STAM2: variants seen among roughly 807,000 people sequenced by gnomAD.
STAM2 encodes signal transducing adapter molecule 2.
A neutral mutation model predicts 65.6 loss-of-function variants in STAM2; 51 were observed. That is an observed-to-expected ratio of 0.78 (90% CI 0.62 to 0.98). The LOEUF is 0.98. Ranked by LOEUF, STAM2 falls within the 50% of genes least tolerant of loss-of-function variation. The pLI is 0.00. For synonymous variants in STAM2, 198 were observed against 208.4 expected (o/e 0.95, Z 0.43); for missense variants, 584 against 617.8 (o/e 0.95, Z 0.58).
chr2:152,147,980 A>G (rs776760018), intron 4 of STAM2, 44 bp downstream of exon 4: 3 of 1,414,332 alleles, frequency 2.1e-6, no homozygotes, highest in African/African-American at 2.9e-5. Context: ...CACACAATCT[A>G]CATTTTTTTA....
chr2:152,160,926 G>A (rs1256359677), intron 1 of STAM2, among the ~76,000 whole-genome samples: 13 of 151,218 alleles, frequency 8.6e-5, no homozygotes, highest in South Asian at 2.1e-4. Context: ...GGTGAGGGGC[G>A]CCTCTGCCCA....
At chr2:152,153,218 C>T (rs533710836) in intron 1 of STAM2, among the ~76,000 whole-genome samples, 1 of 152,188 alleles carries the variant, frequency 6.6e-6, no homozygotes, top group South Asian at 2.1e-4. Flanking sequence ...ACTTTAGAAA[C>T]ACTGTATCAC....
intron 13 of STAM2, among the ~76,000 whole-genome samples, chr2:152,122,135 C>T (rs567736271): frequency 3.3e-5 from 5 of 150,502 alleles, no homozygotes; most frequent in East Asian, 2.0e-4. Context: ...CTATGCCCAG[C>T]GGTTTTAGGG....
chr2:152,175,545 G>T, intron 1 of STAM2, 58 bp downstream of exon 1: 2 of 1,609,160 alleles, frequency 1.2e-6, no homozygotes, highest in South Asian at 2.2e-5. Context: ...TTTCTAGCCG[G>T]ACAAACAGCA....
chr2:152,127,346 T>A (rs561884119), intron 11 of STAM2, among the ~76,000 whole-genome samples: 2 of 152,320 alleles, frequency 1.3e-5, no homozygotes, highest in South Asian at 4.1e-4. Context: ...ATGCAATCAA[T>A]TCATAATTTC....
intron 1 of STAM2, among the ~76,000 whole-genome samples, chr2:152,164,913 C>T (rs765018093): frequency 2.6e-5 from 4 of 152,126 alleles, no homozygotes; most frequent in Non-Finnish European, 5.9e-5. Flanking sequence ...CCTTTATTTT[C>T]CTACAAGTTC....
chr2:152,128,271 G>A, intron 11 of STAM2, among the ~76,000 whole-genome samples: 1 of 152,086 alleles, frequency 6.6e-6, no homozygotes, highest in East Asian at 1.9e-4. Context: ...GCCAGGTGTG[G>A]TGGCGGGCAC....
chr2:152,152,548 C>CA (rs532945904), intron 1 of STAM2, among the ~76,000 whole-genome samples: 139 of 130,020 alleles, frequency 1.1e-3, no homozygotes, highest in African/African-American at 2.6e-3. Context: ...GACTCTGTCT[C>CA]AAAAAAAAAC....
intron 10 of STAM2, among the ~76,000 whole-genome samples, chr2:152,132,866 T>C (rs1040839683): frequency 2.0e-5 from 3 of 152,164 alleles, no homozygotes; most frequent in African/African-American, 7.2e-5. Context: ...GCAATAAGCA[T>C]TTTAAACATT....
At chr2:152,122,425 A>G (rs1241259824) in intron 13 of STAM2, among the ~76,000 whole-genome samples, 1 of 152,132 alleles carries the variant, frequency 6.6e-6, no homozygotes, top group African/African-American at 2.4e-5. Flanking sequence ...ATCTATAAAA[A>G]AAGTTTCAAT....
At chr2:152,126,425 T>C (rs1306291665) in intron 11 of STAM2, 46 bp from the exon 12 acceptor site, 4 of 1,174,680 alleles carry the variant, frequency 3.4e-6, no homozygotes, top group Non-Finnish European at 4.5e-6. Flanking sequence ...GTTTTTAGCA[T>C]GTATTTAGTA....
At chr2:152,133,799 C>T (rs957336748) in intron 8 of STAM2, among the ~76,000 whole-genome samples, 4 of 152,156 alleles carry the variant, frequency 2.6e-5, no homozygotes, top group African/African-American at 9.7e-5. Flanking sequence ...ATATAAACAG[C>T]AGCTGACATT....
chr2:152,123,986 T>A, intron 12 of STAM2, 51 bp from the exon 13 acceptor site: 1 of 1,430,772 alleles, frequency 7.0e-7, no homozygotes, highest in South Asian at 1.2e-5. Flanking sequence ...AACATGTGCC[T>A]AATAATATAT....
rs1268062784 is a variant in STAM2, at chr2:152,167,660, C to T, written c.40+7943G>A. On this transcript the variant is annotated intron_variant, in intron 1 of 13. Transcript: ENST00000263904. The stretch of plus-strand genomic sequence containing the variant: ...CTATAATCCCAGCACTTTGGGAGGC[C>T]GAGGCAGGTGAATCACTTGAGGTCA... Among the ~76,000 whole-genome samples, 3 of 151,686 alleles carry T rather than the reference C, an allele frequency of 2.0e-5. No homozygotes were observed. The South Asian group carries it at 6.3e-4, about 32-fold the overall frequency.
chr2:152,123,533 T>C (rs76819211), intron 13 of STAM2, among the ~76,000 whole-genome samples: 263 of 152,322 alleles, frequency 1.7e-3, no homozygotes, highest in African/African-American at 5.8e-3. Flanking sequence ...AAGCACATCA[T>C]GGGCTTAGTC....
chr2:152,123,461 T>C lies in STAM2; in HGVS notation c.1349+305A>G, dbSNP rs183594913. ...AAAGTAACAACAGTTTTCTAATTTT[T>C]AGGAGTGCATGCAGATAAATAAGTC... On this transcript the variant is annotated intron_variant, in intron 13 of 13. Coordinates refer to ENST00000263904, the MANE Select transcript of STAM2 (RefSeq NM_005843.6). 2.1e-3 allele frequency among the ~76,000 whole-genome samples: 323 copies of C among 152,292 alleles called. 1 individual carries two copies. Among genetic ancestry groups the C allele is most frequent in the Admixed American group, 4.0e-3 (61 of 15,296 alleles).
intron 8 of STAM2, 139 bp downstream of exon 8, chr2:152,135,370 T>A: frequency 1.6e-6 from 1 of 630,218 alleles, no homozygotes; most frequent in South Asian, 1.9e-5. Context: ...GGTTAAAAAG[T>A]AGGTTAGATT....
At chr2:152,164,977 G>C (rs1467195069) in intron 1 of STAM2, among the ~76,000 whole-genome samples, 1 of 152,046 alleles carries the variant, frequency 6.6e-6, no homozygotes, top group Non-Finnish European at 1.5e-5. Context: ...TGTTAGGTGA[G>C]AACCACGTCC....
At chr2:152,150,269 C>T (rs760737641) in intron 1 of STAM2, 40 bp from the exon 2 acceptor site, 7 of 1,277,580 alleles carry the variant, frequency 5.5e-6, no homozygotes, top group South Asian at 1.2e-5. Flanking sequence ...GAGGACACAT[C>T]TCATATAACA....
Sources: allele counts gnomAD v4.1 joint callset (sites outside exome capture counted in the v4.1 genomes callset), GRCh38; gene constraint gnomAD v4.1.1; transcripts MANE v1.5; gene names NCBI Gene and HGNC (gene_info 2026-07-23, HGNC 2026-07-21).